Variants in SPIDR observed in about 807,000 individuals in gnomAD.
SPIDR encodes scaffold protein involved in DNA repair, also known as DNA repair-scaffolding protein.
Under a neutral mutation model 104.6 loss-of-function variants are expected in SPIDR, and 93 were observed. That is an observed-to-expected ratio of 0.89 (90% CI 0.75 to 1.06). SPIDR has a LOEUF of 1.06. SPIDR is among the 50% of genes least tolerant of loss of function. SPIDR has a pLI of 0.00. For synonymous variants in SPIDR, 431 were observed against 416.9 expected (o/e 1.03, Z -0.41); for missense variants, 1,154 against 1,111.2 (o/e 1.04, Z -0.55).
At chr8:47,511,381 C>T (rs955129227) in intron 8 of SPIDR, 13 of 933,310 alleles carry the variant, frequency 1.4e-5, no homozygotes, top group Non-Finnish European at 2.1e-5. Context: ...CTGACCCTCG[C>T]CAGTGAAGGC....
intron 5 of SPIDR, among the ~76,000 whole-genome samples, chr8:47,300,904 T>G (rs2041964068): frequency 6.6e-6 from 1 of 152,248 alleles, no homozygotes; most frequent in Non-Finnish European, 1.5e-5. Flanking sequence ...GGTGTGGTAC[T>G]GAGAAGAATG....
In SPIDR at chr8:47,598,860, T is replaced by C. The variant is rs1286816796; in HGVS notation, c.1294-86T>C. 4 of 1,539,332 alleles carry C rather than the reference T, an allele frequency of 2.6e-6. No individual in the cohort carries two copies. In the Admixed American group the frequency reaches 7.0e-5, roughly 27 times the overall value. ...TTGGGTGGCTGCTTAAGGATGTCAT[T>C]ATTTGGTGTGCAGCATGTTGCTTGT... is the stretch of plus-strand genomic sequence containing the variant. On this transcript the variant is annotated intron_variant, in intron 9 of 19. Coordinates refer to ENST00000297423, the MANE Select transcript of SPIDR (RefSeq NM_001080394.4).
intron 5 of SPIDR, among the ~76,000 whole-genome samples, chr8:47,383,400 T>G (rs116288733): frequency 0.013 from 2,055 of 152,318 alleles, 56 homozygotes; most frequent in African/African-American, 0.046. Flanking sequence ...CTGAACTGTT[T>G]TAGAATAATA....
chr8:47,423,538 G>T (rs1260219097), intron 7 of SPIDR, among the ~76,000 whole-genome samples: 3 of 152,030 alleles, frequency 2.0e-5, no homozygotes, highest in Non-Finnish European at 4.4e-5. Context: ...GGAGGCAGAG[G>T]TTTTTGTGAG....
intron 10 of SPIDR, among the ~76,000 whole-genome samples, chr8:47,622,120 G>A (rs540554365): frequency 1.1e-4 from 17 of 152,220 alleles, no homozygotes; most frequent in African/African-American, 3.4e-4. Context: ...TGTCCAGGGC[G>A]AGGTGCTCAG....
intron 5 of SPIDR, among the ~76,000 whole-genome samples, chr8:47,348,403 G>C (rs998030940): frequency 6.6e-6 from 1 of 152,082 alleles, no homozygotes; most frequent in Non-Finnish European, 1.5e-5. Flanking sequence ...TTTCAACCTT[G>C]GTGAATCTGA....
chr8:47,422,858 T>A (rs1382484884), intron 7 of SPIDR, among the ~76,000 whole-genome samples: 2 of 152,228 alleles, frequency 1.3e-5, no homozygotes, highest in African/African-American at 4.8e-5. Flanking sequence ...CCTGAGTAGC[T>A]GACTTTGCTG....
At chr8:47,406,710 C>A (rs983059266) in intron 6 of SPIDR, among the ~76,000 whole-genome samples, 8 of 152,112 alleles carry the variant, frequency 5.3e-5, no homozygotes, top group Non-Finnish European at 1.2e-4. Flanking sequence ...AAAACAGTTA[C>A]ACCAATCATG....
intron 10 of SPIDR, among the ~76,000 whole-genome samples, chr8:47,651,487 A>T (rs1033743549): frequency 6.6e-6 from 1 of 152,192 alleles, no homozygotes; most frequent in African/African-American, 2.4e-5. Context: ...GGGAACGCTT[A>T]TACAGTACTG....
intron 10 of SPIDR, among the ~76,000 whole-genome samples, chr8:47,665,782 G>T (rs1219316766): frequency 6.6e-6 from 1 of 152,112 alleles, no homozygotes; most frequent in Non-Finnish European, 1.5e-5. Context: ...ATATTATCAA[G>T]GAGATTGAAC....
At chr8:47,291,264 A>G in intron 4 of SPIDR, 127 bp downstream of exon 4, 1 of 553,826 alleles carries the variant, frequency 1.8e-6, no homozygotes, top group Non-Finnish European at 3.1e-6. Context: ...ATTGGATTTA[A>G]TATTGGAAGA....
At chr8:47,273,015 A>G (rs2035647603) in intron 1 of SPIDR, among the ~76,000 whole-genome samples, 1 of 152,222 alleles carries the variant, frequency 6.6e-6, no homozygotes, top group Non-Finnish European at 1.5e-5. Flanking sequence ...TGCTTAACAC[A>G]GTACACTTCT....
At chr8:47,589,387 T>C (rs2060712960) in intron 8 of SPIDR, among the ~76,000 whole-genome samples, 1 of 151,902 alleles carries the variant, frequency 6.6e-6, no homozygotes, top group Admixed American at 6.6e-5. Flanking sequence ...CCGGGCATGG[T>C]GGCGCGCGCC....
intron 5 of SPIDR, among the ~76,000 whole-genome samples, chr8:47,326,216 T>C (rs1015596580): frequency 6.6e-6 from 1 of 152,218 alleles, no homozygotes; most frequent in African/African-American, 2.4e-5. Flanking sequence ...GGTTTTGCCA[T>C]GTTGCCCAGA....
chr8:47,699,832 G>A (rs141824206), intron 11 of SPIDR, among the ~76,000 whole-genome samples: 30 of 152,306 alleles, frequency 2.0e-4, no homozygotes, highest in African/African-American at 6.5e-4. Context: ...TGGGATTATA[G>A]GCATGAGCCA....
intron 8 of SPIDR, among the ~76,000 whole-genome samples, chr8:47,466,706 C>CAAAAAAAAAAAAA (rs78296344): frequency 7.4e-6 from 1 of 134,998 alleles, no homozygotes; most frequent in African/African-American, 2.8e-5. Context: ...ACGAAAAATA[C>CAAAAAAAAAAAAA]AAAAAAAAAA....
intron 5 of SPIDR, among the ~76,000 whole-genome samples, chr8:47,352,170 G>A (rs1456913307): frequency 1.3e-5 from 2 of 151,772 alleles, no homozygotes; most frequent in Admixed American, 1.3e-4. Flanking sequence ...CCAGCTACTC[G>A]GGAGGCTGAG....
At chr8:47,713,875 G>A (rs777065459) in intron 16 of SPIDR, among the ~76,000 whole-genome samples, 36 of 152,130 alleles carry the variant, frequency 2.4e-4, no homozygotes, top group Non-Finnish European at 4.6e-4. Flanking sequence ...TGCTCTAGCC[G>A]CTGATAACCT....
intron 8 of SPIDR, among the ~76,000 whole-genome samples, chr8:47,448,127 A>G (rs527409552): frequency 6.6e-6 from 1 of 152,248 alleles, no homozygotes; most frequent in East Asian, 1.9e-4. Context: ...TTATAGTTAT[A>G]TCACTTAGAA....
Sources: allele counts gnomAD v4.1 joint callset (sites outside exome capture counted in the v4.1 genomes callset), GRCh38; gene constraint gnomAD v4.1.1; transcripts MANE v1.5; gene names NCBI Gene and HGNC (gene_info 2026-07-23, HGNC 2026-07-21).